The following CEP131 variants were observed in gnomAD, a reference collection of about 807,000 sequenced individuals.
CEP131 encodes the protein centrosomal protein of 131 kDa.
CEP131 carries 99 observed loss-of-function variants against 136.8 expected under a neutral mutation model. That is an observed-to-expected ratio of 0.72 (90% CI 0.62 to 0.86). The LOEUF (loss-of-function observed/expected upper bound fraction) is 0.86, where lower values mean the gene tolerates loss of function less well. Among genes scored for constraint, CEP131 ranks in the 40% least tolerant of loss-of-function variants. The probability of loss-of-function intolerance (pLI) is 0.00; values close to 1 mark genes in which losing one functional copy is unlikely to be tolerated. For synonymous variants in CEP131, 646 were observed against 612.7 expected, an observed-to-expected ratio of 1.05 and a Z score of -0.80; for missense variants, 1,459 against 1,463.0, an observed-to-expected ratio of 1.00 and a Z score of 0.04.
intron 2 of CEP131, among the ~76,000 whole-genome samples, chr17:81,216,975 A>G (rs1402382382): frequency 1.3e-5 from 2 of 152,226 alleles, no homozygotes; most frequent in Non-Finnish European, 2.9e-5. Context: ...CAGATGGTAA[A>G]TCAAGTCATG....
At position 81,203,435 on chromosome 17, in the gene CEP131, C is replaced by G; in HGVS notation, c.629+59G>C. On this transcript the variant is annotated intron_variant, in intron 6 of 25. Coordinates refer to ENST00000450824, the MANE Select transcript of CEP131 (RefSeq NM_014984.4). This position sits in a 1 kb window ranked among gnomAD's most constrained non-coding sequence, Gnocchi z 4.6. ...CGAGGTCGGACCCCAGGTGCACTGA[C>G]TACATGCCCTAACTGAGGTCGGACC... 7.2e-7 allele frequency: 1 copy of G among 1,392,760 alleles called. No homozygotes were observed. Among genetic ancestry groups the G allele is most frequent in the Non-Finnish European group, 9.9e-7 (1 of 1,012,160 alleles). 86.3% of individuals were successfully genotyped at this position (1,392,760 alleles called of 1,614,324 possible).
rs938677448 is a variant in CEP131, at chr17:81,197,131, C to T, written c.1648-76G>A. ...CCAAGGACCTGACACGATGCCCCTG[C>T]GGCCCTGCCCTCTGGGGACAGAGGG... is the stretch of plus-strand genomic sequence containing the variant. On this transcript the variant is annotated intron_variant, in intron 13 of 25. Transcript: ENST00000450824. The T allele has an allele frequency of 5.1e-5, 76 of 1,497,656 alleles. No homozygotes were observed. The Middle Eastern group carries it at 6.7e-4, about 13-fold the overall frequency. The allele number at this position is 1,497,656 out of a possible 1,614,324, so 92.8% of individuals were successfully genotyped here.
chr17:81,191,280 C>T lies in CEP131; in HGVS notation c.2678G>A (p.Arg893Gln), dbSNP rs781317925. 40 of 1,613,404 alleles carry T rather than the reference C, an allele frequency of 2.5e-5. No homozygotes were observed. The highest frequency in any genetic ancestry group is 5.3e-5 in the African/African-American group (4 of 74,938). Residue 893 changes from arginine to glutamine, a missense_variant, in exon 22 of 26, where the codon CGG becomes CAG. Arg to Gln is a conservative substitution (Grantham distance 43). Transcript: ENST00000450824. ...AATGACCAGCTCAATCTCCTTGTCCCGGCCTTTCCGGATTTCTTCCCTCAG... is the reference window on the plus strand; with the variant it reads ...AATGACCAGCTCAATCTCCTTGTCCTGGCCTTTCCGGATTTCTTCCCTCAG... ...QELREEIRKG[R>Q]DKEIELVIHR...
At chr17:81,196,484 A>G (rs1480178611) in intron 15 of CEP131, among the ~76,000 whole-genome samples, 1 of 152,176 alleles carries the variant, frequency 6.6e-6, no homozygotes, top group Admixed American at 6.5e-5. Flanking sequence ...ACACCCCACT[A>G]CACTCACACG....
intron 15 of CEP131, among the ~76,000 whole-genome samples, chr17:81,196,271 A>C (rs1488390880): frequency 2.0e-5 from 3 of 152,124 alleles, no homozygotes; most frequent in South Asian, 2.1e-4. Context: ...GCCCTGGAGG[A>C]GGCTCACTGT....
chr17:81,193,942 C>A lies in CEP131; in HGVS notation c.2305G>T (p.Glu769Ter). ...EKEALGQQER[E>*]RARQRFQQHL... ...ACCACCCACCGCTGCCGAGCACGTT[C>A]GCGCTCCTGCTGGCCCAGCGCCTCC... Residue 769 changes from glutamate to a stop codon, truncating the protein, a stop_gained, in exon 18 of 26, where the codon GAA becomes TAA. Coordinates refer to ENST00000450824, the MANE Select transcript of CEP131 (RefSeq NM_014984.4). LOFTEE classifies it high-confidence loss of function. 1 of 1,537,274 alleles carries A rather than the reference C, an allele frequency of 6.5e-7. No homozygotes were observed. The highest frequency in any genetic ancestry group is 8.8e-7 in the Non-Finnish European group (1 of 1,141,774).
Position 81,222,896 on chromosome 17 carries a change from C to G in CEP131, c.-145G>C, listed in dbSNP as rs975854586. On this transcript the variant is annotated 5_prime_UTR_variant, in exon 1 of 26. Transcript: ENST00000450824. ...GGTCGGCGACCTGGCGCCCCGCCAC[C>G]CCCAACACTGCCCCGAGGCCCGGTG... The G allele has an allele frequency of 6.6e-6, 1 of 152,336 alleles. No homozygotes were observed. The highest frequency in any genetic ancestry group is 1.5e-5 in the Non-Finnish European group (1 of 68,108). 9.4% of individuals were successfully genotyped at this position (152,336 alleles called of 1,614,324 possible). A position where few individuals can be genotyped will look rare whatever the true frequency, so the allele number is the denominator to read the frequency against.
rs2061914785 is a variant in CEP131 at position 81,202,473 on chromosome 17, C to A, written c.630-75G>T. The A allele has an allele frequency of 7.8e-6, 12 of 1,529,968 alleles. No individual in the cohort carries two copies. In the South Asian group the frequency reaches 1.3e-4, roughly 17 times the overall value. The allele number at this position is 1,529,968 out of a possible 1,614,324, so 94.8% of individuals were successfully genotyped here. A position where few individuals can be genotyped will look rare whatever the true frequency, so the allele number is the denominator to read the frequency against. Reference sequence around the variant, plus strand: ...TCTGCCCACAGGCAGCAGGTGCCCACTCCCGGAAGTCCCAGGACTGAGCCT... The same window carrying A: ...TCTGCCCACAGGCAGCAGGTGCCCAATCCCGGAAGTCCCAGGACTGAGCCT... On this transcript the variant is annotated intron_variant, in intron 6 of 25. Transcript: ENST00000450824.
intron 2 of CEP131, among the ~76,000 whole-genome samples, chr17:81,214,867 G>C (rs1281738476): frequency 2.0e-5 from 3 of 152,062 alleles, no homozygotes; most frequent in Non-Finnish European, 4.4e-5. Context: ...CCGCCTCCTG[G>C]GTTCACGCCA....
intron 4 of CEP131, 62 bp from the exon 5 acceptor site, chr17:81,206,933 GCCTCTCCCA>G: frequency 1.3e-6 from 2 of 1,572,900 alleles, no homozygotes; most frequent in Non-Finnish European, 1.7e-6. Context: ...TCCCTTCCCT[GCCTCTCCCA>G]CAAACGGGAG....
At chr17:81,205,727 C>T (rs1396472468) in intron 5 of CEP131, among the ~76,000 whole-genome samples, 1 of 151,988 alleles carries the variant, frequency 6.6e-6, no homozygotes, top group Non-Finnish European at 1.5e-5. Context: ...AGCGAGACTT[C>T]ATCTCTACAA....
At chr17:81,202,161 T>TGG in intron 7 of CEP131, 79 bp downstream of exon 7, 10 of 546,310 alleles carry the variant, frequency 1.8e-5, no homozygotes, top group South Asian at 3.3e-5. Context: ...CTCGGAGGTG[T>TGG]GAGCCCCCCA....
rs183879490 is a variant in CEP131 at position 81,195,017 on chromosome 17, C to T, written c.2017-45G>A. On this transcript the variant is annotated intron_variant, in intron 16 of 25. Coordinates refer to ENST00000450824, the MANE Select transcript of CEP131 (RefSeq NM_014984.4). The stretch of plus-strand genomic sequence containing the variant: ...GGAGGAAACGACACGAAGGACACCC[C>T]CGTCCCTTTGCCACCCTGTGGGCAC... The T allele has an allele frequency of 9.9e-4, 1,475 of 1,496,352 alleles. 3 individuals are homozygous for T. The highest frequency in any genetic ancestry group is 9.9e-4 in the Non-Finnish European group (1,080 of 1,085,624). The allele number at this position is 1,496,352 out of a possible 1,614,324, so 92.7% of individuals were successfully genotyped here. A position where few individuals can be genotyped will look rare whatever the true frequency, so the allele number is the denominator to read the frequency against.
At chr17:81,191,561 C>T (rs2061643445) in intron 21 of CEP131, among the ~76,000 whole-genome samples, 1 of 152,196 alleles carries the variant, frequency 6.6e-6, no homozygotes, top group Non-Finnish European at 1.5e-5. Flanking sequence ...ACGGTCCCCT[C>T]CCTCAGAGAC....
Position 81,198,913 on chromosome 17 carries a change from G to C in CEP131, c.1251C>G (p.Ser417=), listed in dbSNP as rs1194812380. 6.3e-7 allele frequency: 1 copy of C among 1,593,228 alleles called. No individual in the cohort carries two copies. The highest frequency in any genetic ancestry group is 1.3e-5 in the African/African-American group (1 of 74,638). The change falls in exon 11 of 26, where the codon TCC becomes TCG. Residue 417 remains serine, a synonymous_variant. Transcript: ENST00000450824. ...CCTCTGGAGGCTGCTGTGGTTCTGGGGATGAGTCGGAGGTGGGCAGGCAGC... is the reference window on the plus strand; with the variant it reads ...CCTCTGGAGGCTGCTGTGGTTCTGGCGATGAGTCGGAGGTGGGCAGGCAGC... ...GDRCLPTSDS[S]PEPQQPPEDR... is the part of the protein sequence containing the mutation.
rs776727231 is a variant in CEP131, at chr17:81,219,963, G to A, written c.94C>T (p.Arg32Cys). 11 of 1,611,896 alleles carry A rather than the reference G, an allele frequency of 6.8e-6. No individual in the cohort carries two copies. The highest frequency in any genetic ancestry group is 5.0e-5 in the Admixed American group (3 of 59,744). ...LTGLPPPVSR[R>C]PGSAATTKPI... The stretch of plus-strand genomic sequence containing the variant: ...TTGGTGGTGGCGGCACTGCCAGGAC[G>A]CCGGGACACAGGCGGAGGGAGACCT... Residue 32 changes from arginine (R) to cysteine (C), a missense_variant, in exon 2 of 26, where the codon CGT becomes TGT. Coordinates refer to ENST00000450824, the MANE Select transcript of CEP131 (RefSeq NM_014984.4). The surrounding 1 kb of genome is among the most constrained non-coding windows in gnomAD (Gnocchi z 4.0).
rs1413754090 is a variant in CEP131 at position 81,203,573 on chromosome 17, T to C, written c.550A>G (p.Thr184Ala). The C allele has an allele frequency of 6.2e-7, 1 of 1,605,388 alleles. No homozygotes were observed. The highest frequency in any genetic ancestry group is 8.5e-7 in the Non-Finnish European group (1 of 1,176,758). The change falls in exon 6 of 26, where the codon ACC becomes GCC. Residue 184 changes from threonine (T) to alanine (A), a missense_variant. Physicochemically the swap from Thr to Ala is moderately conservative, Grantham distance 58. Around this residue, in one of 3 missense-constraint regions of CEP131, gnomAD observed 246 missense variants for 318.9 expected, o/e 0.77. Coordinates refer to ENST00000450824, the MANE Select transcript of CEP131 (RefSeq NM_014984.4). The surrounding 1 kb of genome is among the most constrained non-coding windows in gnomAD (Gnocchi z 4.6). ...GGGGTGTAGCGGTTGTGCACCATGG[T>C]GGTGACGCAGTTGCCCACTGCTCCC... ...NKGAVGNCVT[T>A]MVHNRYTPSE...
rs748949912 is a variant in CEP131, at chr17:81,208,776, C to A, written c.272+152G>T. The A allele has an allele frequency of 2.6e-5, 16 of 627,138 alleles. No individual in the cohort carries two copies. Among genetic ancestry groups the A allele is most frequent in the Non-Finnish European group, 4.2e-5 (15 of 360,716 alleles). 38.8% of individuals were successfully genotyped at this position (627,138 alleles called of 1,614,324 possible). ...GGAGGCCTGGGACACAAAGCTGGCC[C>A]GTGAGGTCACTCCAGGCCTCACTAG... On this transcript the variant is annotated intron_variant, in intron 3 of 25. Coordinates refer to ENST00000450824, the MANE Select transcript of CEP131 (RefSeq NM_014984.4). This position sits in a 1 kb window ranked among gnomAD's most constrained non-coding sequence, Gnocchi z 5.6.
chr17:81,216,541 AGAAAAGAGAAT>A, intron 2 of CEP131, among the ~76,000 whole-genome samples: 1 of 152,294 alleles, frequency 6.6e-6, no homozygotes, highest in Non-Finnish European at 1.5e-5. Context: ...AAAAAGAAAA[AGAAAAGAGAAT>A]GCAGGAGCCC....
Sources: gnomAD v4.1 joint callset for allele counts (sites outside exome capture counted in the v4.1 genomes callset) on GRCh38, gnomAD v4.1.1 for gene constraint, gnomAD v4.1.1 regional missense constraint, Gnocchi (gnomAD v3.1) non-coding constraint, MANE v1.5 for transcripts, NCBI Gene and HGNC (gene_info 2026-07-23, HGNC 2026-07-21) for gene names.